The following STAM2 variants were observed in gnomAD, a reference collection of about 807,000 sequenced individuals.
STAM2 encodes the protein signal transducing adaptor molecule 2.
A neutral mutation model predicts 65.6 loss-of-function variants in STAM2; 51 were observed. The observed-to-expected ratio is 0.78, with a 90% CI of 0.62 to 0.98. STAM2 has a LOEUF of 0.98. Among genes scored for constraint, STAM2 ranks in the 50% least tolerant of loss-of-function variants. STAM2 has a pLI of 0.00. For synonymous variants in STAM2, 198 were observed against 208.4 expected (o/e 0.95, Z 0.43); for missense variants, 584 against 617.8 (o/e 0.95, Z 0.58).
At chr2:152,126,134 A>C in intron 12 of STAM2, 92 bp downstream of exon 12, 1 of 1,073,936 alleles carries the variant, frequency 9.3e-7, no homozygotes, top group African/African-American at 1.6e-5. Context: ...ATTCACAGAC[A>C]AAAGAAATCT....
chr2:152,136,690 T>G (rs1689161501), intron 7 of STAM2, among the ~76,000 whole-genome samples: 1 of 152,056 alleles, frequency 6.6e-6, no homozygotes, highest in African/African-American at 2.4e-5. Context: ...TTTTGCTTAT[T>G]CCTTTTAAAT....
At chr2:152,160,312 C>T (rs1488191128) in intron 1 of STAM2, among the ~76,000 whole-genome samples, 1 of 151,354 alleles carries the variant, frequency 6.6e-6, no homozygotes, top group Admixed American at 6.6e-5. Flanking sequence ...GCCATCCCAT[C>T]TAGGAAGTGA....
chr2:152,130,619 A>T (rs1303831286), intron 11 of STAM2, among the ~76,000 whole-genome samples: 1 of 151,604 alleles, frequency 6.6e-6, no homozygotes, highest in Non-Finnish European at 1.5e-5. Flanking sequence ...GCACTTTGGG[A>T]AGCTGAGGCA....
At chr2:152,168,649 T>C (rs981561805) in intron 1 of STAM2, among the ~76,000 whole-genome samples, 3 of 152,222 alleles carry the variant, frequency 2.0e-5, no homozygotes, top group Non-Finnish European at 2.9e-5. Context: ...TAAAAATATA[T>C]TTTAAACCAT....
intron 11 of STAM2, among the ~76,000 whole-genome samples, chr2:152,129,021 G>A (rs1436525476): frequency 6.6e-6 from 1 of 152,226 alleles, no homozygotes; most frequent in East Asian, 1.9e-4. Context: ...AGCTGCATCT[G>A]CAGCTGTGGC....
intron 11 of STAM2, among the ~76,000 whole-genome samples, chr2:152,130,636 T>C (rs1172741764): frequency 3.3e-5 from 5 of 150,794 alleles, no homozygotes; most frequent in Admixed American, 2.6e-4. Context: ...GGCAGGAAGA[T>C]CACTTGAGGC....
In STAM2 at chr2:152,133,661, A is replaced by G. The variant is rs985310390; in HGVS notation, c.800-177T>C. Among the ~76,000 whole-genome samples, 19 of 152,192 alleles carry G rather than the reference A, an allele frequency of 1.2e-4. 2 individuals are homozygous for G. Among genetic ancestry groups the G allele is most frequent in the Admixed American group, 1.2e-3 (19 of 15,290 alleles). On this transcript the variant is annotated intron_variant, in intron 8 of 13. Coordinates refer to ENST00000263904, the MANE Select transcript of STAM2 (RefSeq NM_005843.6). ...TTACATACGTTTGGTCATTTATTTC[A>G]CAAACATTTATTTAGTACTCATTAT...
At chr2:152,144,361 T>G (rs900352085) in intron 6 of STAM2, among the ~76,000 whole-genome samples, 3 of 152,038 alleles carry the variant, frequency 2.0e-5, no homozygotes, top group South Asian at 4.2e-4. Context: ...AAATGTAATC[T>G]CTCCAAAGGT....
chr2:152,141,601 G>T (rs571827306), intron 7 of STAM2, among the ~76,000 whole-genome samples: 37 of 151,112 alleles, frequency 2.4e-4, no homozygotes, highest in Admixed American at 1.3e-4. Flanking sequence ...TTGTTTGTTT[G>T]TTTTTTTGAG....
chr2:152,131,962 C>T, intron 11 of STAM2, 152 bp downstream of exon 11: 1 of 576,380 alleles, frequency 1.7e-6, no homozygotes, highest in Non-Finnish European at 3.1e-6. Context: ...AAAAGCACCA[C>T]CTTGCTATAA....
chr2:152,158,719 T>C (rs370488109), intron 1 of STAM2, among the ~76,000 whole-genome samples: 22 of 152,106 alleles, frequency 1.4e-4, no homozygotes, highest in African/African-American at 4.8e-4. Context: ...TTTCTCACAG[T>C]TCTGGAGGCT....
At chr2:152,139,795 C>T (rs1268175396) in intron 7 of STAM2, among the ~76,000 whole-genome samples, 2 of 151,820 alleles carry the variant, frequency 1.3e-5, no homozygotes, top group Non-Finnish European at 2.9e-5. Flanking sequence ...CTCAACAAAC[C>T]CCAAATCAAA....
chr2:152,146,621 T>A (rs1225962501), intron 5 of STAM2, among the ~76,000 whole-genome samples: 4 of 152,236 alleles, frequency 2.6e-5, no homozygotes, highest in African/African-American at 4.8e-5. Context: ...CTCAATTCCA[T>A]GAATTTGTTC....
At chr2:152,142,796 A>G (rs1191771146) in intron 7 of STAM2, among the ~76,000 whole-genome samples, 1 of 152,228 alleles carries the variant, frequency 6.6e-6, no homozygotes, top group Admixed American at 6.5e-5. Context: ...TCTTTATGGA[A>G]AAAAGATTTT....
chr2:152,141,130 C>A (rs1689238199), intron 7 of STAM2, among the ~76,000 whole-genome samples: 1 of 116,596 alleles, frequency 8.6e-6, no homozygotes, highest in Non-Finnish European at 1.8e-5. Flanking sequence ...CAGAGTGAGA[C>A]CCTGTCTCAA....
intron 12 of STAM2, 27 bp from the exon 13 acceptor site, chr2:152,123,962 T>C (rs1688908215): frequency 6.3e-7 from 1 of 1,586,284 alleles, no homozygotes; most frequent in Non-Finnish European, 8.6e-7. Flanking sequence ...AAAAGTTGAT[T>C]CACTCATCTC....
chr2:152,138,578 T>C (rs1689194612), intron 7 of STAM2, among the ~76,000 whole-genome samples: 1 of 152,220 alleles, frequency 6.6e-6, no homozygotes, highest in South Asian at 2.1e-4. Context: ...ACTTATTGAA[T>C]AGACATTCTT....
chr2:152,161,458 A>T (rs1425288456), intron 1 of STAM2, among the ~76,000 whole-genome samples: 2 of 148,412 alleles, frequency 1.3e-5, no homozygotes, highest in African/African-American at 5.0e-5. Flanking sequence ...GACCCTGCCA[A>T]ATCCCCCTCT....
intron 1 of STAM2, among the ~76,000 whole-genome samples, chr2:152,172,915 T>C (rs1026482374): frequency 2.6e-5 from 4 of 151,410 alleles, no homozygotes; most frequent in African/African-American, 7.3e-5. Context: ...GAGAGGATAG[T>C]GTCAACACCT....
Sources: gnomAD v4.1 joint callset for allele counts (sites outside exome capture counted in the v4.1 genomes callset) on GRCh38, gnomAD v4.1.1 for gene constraint, MANE v1.5 for transcripts, NCBI Gene and HGNC (gene_info 2026-07-23, HGNC 2026-07-21) for gene names.